The following GOLGA2 variants were observed in gnomAD, a reference collection of about 807,000 sequenced individuals.
The protein encoded by GOLGA2 is golgin subfamily A member 2.
GOLGA2 carries 49 observed loss-of-function variants against 148.8 expected under a neutral mutation model. The observed-to-expected ratio is 0.33, with a 90% CI of 0.26 to 0.42. GOLGA2 has a LOEUF of 0.42. GOLGA2 is among the 10% of genes least tolerant of loss of function. GOLGA2 has a pLI of 1.00. For missense variants in GOLGA2, 1,178 were observed against 1,304.6 expected (o/e 0.90, Z 1.49); for synonymous variants, 501 against 511.8 (o/e 0.98, Z 0.28).
rs1455521142 is a variant in GOLGA2 at position 128,266,996 on chromosome 9, G to A, written c.642+198C>T. ...AGCAGGGGTGTCTAGAGAAGAGAGA[G>A]TAGGCAAAGAGGGCAGCAACAGAAG... On this transcript the variant is annotated intron_variant, in intron 8 of 26. Transcript: ENST00000611957. This position sits in a 1 kb window ranked among gnomAD's most constrained non-coding sequence, Gnocchi z 4.2. 1 of 629,198 alleles carries A rather than the reference G, an allele frequency of 1.6e-6. No individual in the cohort carries two copies. The highest frequency in any genetic ancestry group is 2.7e-5 in the East Asian group (1 of 36,562). 39.0% of individuals were successfully genotyped at this position (629,198 alleles called of 1,614,324 possible).
In GOLGA2 at chr9:128,265,961, T is replaced by C. The variant is rs1830571872; in HGVS notation, c.732+9A>G. The C allele has an allele frequency of 1.2e-6, 2 of 1,611,408 alleles. No homozygotes were observed. The highest frequency in any genetic ancestry group is 2.2e-5 in the South Asian group (2 of 91,022). ...GAGGACAGGACGGAACTTCACACCC[T>C]CCACTCACCTGTAACTGCTCCCTTA... On this transcript the variant is annotated intron_variant, in intron 10 of 26. Transcript: ENST00000611957.
intron 3 of GOLGA2, among the ~76,000 whole-genome samples, chr9:128,269,192 A>G (rs555398980): frequency 6.6e-6 from 1 of 152,122 alleles, no homozygotes; most frequent in African/African-American, 2.4e-5. Flanking sequence ...GGCTCAAGTG[A>G]TCCACCTTGG....
chr9:128,267,388 GC>G, intron 7 of GOLGA2, 69 bp downstream of exon 7: 2 of 1,480,708 alleles, frequency 1.4e-6, no homozygotes, highest in Non-Finnish European at 1.9e-6. Flanking sequence ...GGGGCACCCA[GC>G]CCCCGCTGTG....
Position 128,260,649 on chromosome 9 carries a change from C to T in GOLGA2, c.1574G>A (p.Arg525Gln), listed in dbSNP as rs200069338. 3.1e-4 allele frequency: 507 copies of T among 1,612,352 alleles called. 1 individual carries two copies. Among genetic ancestry groups the T allele is most frequent in the Admixed American group, 4.5e-4 (27 of 60,006 alleles). Residue 525 changes from arginine to glutamine, a missense_variant, in exon 18 of 27, where the codon CGG becomes CAG. Physicochemically the swap from Arg to Gln is conservative, Grantham distance 43 (BLOSUM62 1). Around this residue, in one of 5 missense-constraint regions of GOLGA2, gnomAD observed 529 missense variants for 521.8 expected, o/e 1.01. Coordinates refer to ENST00000611957, the MANE Select transcript of GOLGA2 (RefSeq NM_001366244.2). The surrounding 1 kb of genome is among the most constrained non-coding windows in gnomAD (Gnocchi z 4.8). ...CTCCAGCAGCCTCTCCTCCTGCTCC[C>T]GGTTCAGGCGACTCAAGCCCTCATT... ...QDNEGLSRLN[R>Q]EQEERLLELE...
In GOLGA2 at chr9:128,266,024, T is replaced by C. The variant is rs1283720179; in HGVS notation, c.682-4A>G. The C allele has an allele frequency of 8.1e-6, 13 of 1,611,350 alleles. No homozygotes were observed. Among genetic ancestry groups the C allele is most frequent in the Non-Finnish European group, 8.5e-6 (10 of 1,177,508 alleles). ...TTTGGTGGCATTCTTTCTTTTCCTA[T>C]AGGAAGAGGAAGACAGAGCTCTTAC... is the stretch of plus-strand genomic sequence containing the variant. On this transcript the variant is annotated splice_polypyrimidine_tract_variant and splice_region_variant and intron_variant, in intron 9 of 26. Coordinates refer to ENST00000611957, the MANE Select transcript of GOLGA2 (RefSeq NM_001366244.2). This position sits in a 1 kb window ranked among gnomAD's most constrained non-coding sequence, Gnocchi z 4.2.
In GOLGA2 at chr9:128,267,457, C is replaced by T. The variant is rs763774766; in HGVS notation, c.561+1G>A. 1.2e-6 allele frequency: 2 copies of T among 1,611,852 alleles called. No individual in the cohort carries two copies. The highest frequency in any genetic ancestry group is 2.2e-5 in the South Asian group (2 of 91,016). ...CTGGGCCACGGCCCAGGGCCTCTTA[C>T]CTCCAGATCCTTCAGGTTAGCAGAC... On this transcript the variant is annotated splice_donor_variant, in intron 7 of 26. Coordinates refer to ENST00000611957, the MANE Select transcript of GOLGA2 (RefSeq NM_001366244.2). LOFTEE classifies it high-confidence loss of function.
intron 3 of GOLGA2, among the ~76,000 whole-genome samples, chr9:128,270,716 T>C (rs982977411): frequency 4.6e-5 from 7 of 151,820 alleles, no homozygotes; most frequent in African/African-American, 1.5e-4. Flanking sequence ...AAACAAAACC[T>C]ACATTGGAAA....
chr9:128,275,631 G>A (rs7034524), intron 1 of GOLGA2: 14 of 705,244 alleles, frequency 2.0e-5, no homozygotes, highest in Non-Finnish European at 3.1e-5. Context: ...TCGGACTTCG[G>A]GGGGCAGGAG....
intron 3 of GOLGA2, among the ~76,000 whole-genome samples, chr9:128,270,297 A>G (rs1830859454): frequency 6.6e-6 from 1 of 151,872 alleles, no homozygotes; most frequent in African/African-American, 2.4e-5. Context: ...ACGCCCAGCT[A>G]ATTTTTGTAT....
At chr9:128,267,824 A>T in intron 6 of GOLGA2, 110 bp downstream of exon 6, 1 of 886,312 alleles carries the variant, frequency 1.1e-6, no homozygotes, top group Non-Finnish European at 1.9e-6. Context: ...AACATTGCCC[A>T]GCACATTGGC....
At chr9:128,268,561 C>G (rs750017124) in intron 3 of GOLGA2, 37 bp from the exon 4 acceptor site, 1 of 1,134,468 alleles carries the variant, frequency 8.8e-7, no homozygotes, top group Admixed American at 1.7e-5. Flanking sequence ...GGGGGCCATG[C>G]GGGAGAGGTG....
At chr9:128,264,853 A>G (rs181032953) in intron 12 of GOLGA2, among the ~76,000 whole-genome samples, 32 of 152,268 alleles carry the variant, frequency 2.1e-4, no homozygotes, top group African/African-American at 6.0e-4. Flanking sequence ...CATGCTAACA[A>G]TCCCATTTAA....
At position 128,268,142 on chromosome 9, in the gene GOLGA2, C is replaced by T; in HGVS notation, c.412G>A (p.Val138Ile). 1 of 1,613,386 alleles carries T rather than the reference C, an allele frequency of 6.2e-7. No homozygotes were observed. Among genetic ancestry groups the T allele is most frequent in the Non-Finnish European group, 8.5e-7 (1 of 1,179,358 alleles). Reference protein sequence around the residue: ...AASQNHDADNVPNLMDETKTF... With the variant: ...AASQNHDADNIPNLMDETKTF... ...TTGGTTTCATCCATGAGATTAGGGA[C>T]ATTGTCAGCATCATGATTCTGTTTG... The change falls in exon 5 of 27, where the codon GTC becomes ATC. Residue 138 changes from valine to isoleucine, a missense_variant. By Grantham distance (29) the Val-to-Ile change is conservative (BLOSUM62 3). Transcript: ENST00000611957.
Position 128,260,322 on chromosome 9 carries a change from G to A in GOLGA2, c.1759-133C>T. ...GAAAAATCATCCCCTCTCCCCCACA[G>A]CCATCGGAGCAGGGCTCTGGCTCAC... On this transcript the variant is annotated intron_variant, in intron 18 of 26. Transcript: ENST00000611957. This position sits in a 1 kb window ranked among gnomAD's most constrained non-coding sequence, Gnocchi z 4.8. The A allele has an allele frequency of 9.3e-7, 1 of 1,079,198 alleles. No homozygotes were observed. The highest frequency in any genetic ancestry group is 1.4e-6 in the Non-Finnish European group (1 of 710,544). The allele number at this position is 1,079,198 out of a possible 1,614,324, so 66.9% of individuals were successfully genotyped here. A position where few individuals can be genotyped will look rare whatever the true frequency, so the allele number is the denominator to read the frequency against.
chr9:128,257,253 A>G lies in GOLGA2; in HGVS notation c.2904T>C (p.Ser968=). ...GDLCEVSLAG[S]VEPAQGEARE... The stretch of plus-strand genomic sequence containing the variant: ...TGGCCTCTCCTTGGGCAGGCTCCAC[A>G]CTGCCGGCGAGGCTCACCTCGCAAA... Residue 968 remains serine, a synonymous_variant, in exon 27 of 27, where the codon AGT becomes AGC. Transcript: ENST00000611957. This position sits in a 1 kb window ranked among gnomAD's most constrained non-coding sequence, Gnocchi z 8.0. 6.2e-7 allele frequency: 1 copy of G among 1,613,324 alleles called. No individual in the cohort carries two copies. The highest frequency in any genetic ancestry group is 8.5e-7 in the Non-Finnish European group (1 of 1,179,818).
At chr9:128,274,063 A>G in intron 1 of GOLGA2, 91 bp from the exon 2 acceptor site, 2 of 1,243,160 alleles carry the variant, frequency 1.6e-6, no homozygotes, top group Non-Finnish European at 2.3e-6. Context: ...ACTCTTATAT[A>G]CCATCTGATT....
At chr9:128,273,082 C>T (rs1015129254) in intron 2 of GOLGA2, among the ~76,000 whole-genome samples, 6 of 152,202 alleles carry the variant, frequency 3.9e-5, no homozygotes, top group African/African-American at 9.7e-5. Flanking sequence ...GTCCCCTGAA[C>T]GATGCAGTCA....
rs1829952554 is a variant in GOLGA2 at position 128,257,460 on chromosome 9, G to A, written c.2784C>T (p.Gly928=). 6.2e-7 allele frequency: 1 copy of A among 1,613,026 alleles called. No homozygotes were observed. Among genetic ancestry groups the A allele is most frequent in the South Asian group, 1.1e-5 (1 of 91,034 alleles). Reference sequence around the variant, plus strand: ...GGTTCTGGGCAGCTGCCAGGAATCTGCCATGCCACTCGTTGCGGTCGCCCA... The same window carrying A: ...GGTTCTGGGCAGCTGCCAGGAATCTACCATGCCACTCGTTGCGGTCGCCCA... ...RLVGDRNEWH[G]RFLAAAQNPA... Residue 928 remains glycine, a synonymous_variant, in exon 26 of 27, where the codon GGC becomes GGT. Transcript: ENST00000611957. The surrounding 1 kb of genome is among the most constrained non-coding windows in gnomAD (Gnocchi z 8.0).
chr9:128,265,990 C>T lies in GOLGA2; in HGVS notation c.712G>A (p.Ala238Thr). The change falls in exon 10 of 27, where the codon GCC (alanine) becomes ACC (threonine). Residue 238 changes from alanine to threonine, a missense_variant. This residue lies in a region of GOLGA2 where 304 missense variants were observed against 404.1 expected (regional missense o/e 0.75). Transcript: ENST00000611957. ...CTCACCTGTAACTGCTCCCTTAGGG[C>T]TCCCTGCTTTTGGTGGCATTCTTTC... Reference protein sequence around the residue: ...EKKECHQKQGALREQLQVHIQ... With the variant: ...EKKECHQKQGTLREQLQVHIQ... 2.5e-6 allele frequency: 4 copies of T among 1,613,380 alleles called. No individual in the cohort carries two copies. The highest frequency in any genetic ancestry group is 2.5e-6 in the Non-Finnish European group (3 of 1,179,278).
Sources: allele counts gnomAD v4.1 joint callset (sites outside exome capture counted in the v4.1 genomes callset), GRCh38; gene constraint gnomAD v4.1.1; regional missense constraint gnomAD v4.1.1; non-coding constraint Gnocchi (gnomAD v3.1); transcripts MANE v1.5; gene names NCBI Gene and HGNC (gene_info 2026-07-23, HGNC 2026-07-21).